The following CLSTN1 variants were observed in gnomAD, a reference collection of about 807,000 sequenced individuals.
CLSTN1 encodes calsyntenin-1.
CLSTN1 carries 28 observed loss-of-function variants against 108.3 expected under a neutral mutation model. That is an observed-to-expected ratio of 0.26 (90% CI 0.19 to 0.35). The LOEUF is 0.35. Ranked by LOEUF, CLSTN1 falls within the 10% of genes least tolerant of loss-of-function variation. The pLI is 1.00. For missense variants in CLSTN1, 1,157 were observed against 1,302.6 expected (o/e 0.89, Z 1.72); for synonymous variants, 524 against 534.9 (o/e 0.98, Z 0.28).
intron 1 of CLSTN1, among the ~76,000 whole-genome samples, chr1:9,811,643 G>C (rs1654759645): frequency 6.6e-6 from 1 of 150,772 alleles, no homozygotes; most frequent in Non-Finnish European, 1.5e-5. Flanking sequence ...TTTTAGCCCA[G>C]AGTGAGAGGG....
chr1:9,731,768 C>T lies in CLSTN1; in HGVS notation c.2556G>A (p.Pro852=), dbSNP rs779078453. ...TCCCTCCCCATGTCCTACCTGCGAA[C>T]GGGTGGGGGTTGGCCAGGTTGTGGC... ...LSGHNLANPH[P]FAVVPSTATV... is the part of the protein sequence containing the mutation. The change falls in exon 17 of 19, where the codon CCG becomes CCA. Residue 852 remains proline, a synonymous_variant. Coordinates refer to ENST00000377298, the MANE Select transcript of CLSTN1 (RefSeq NM_001009566.3). 6 of 1,614,024 alleles carry T rather than the reference C, an allele frequency of 3.7e-6. No individual in the cohort carries two copies. The highest frequency in any genetic ancestry group is 2.7e-5 in the African/African-American group (2 of 74,920).
chr1:9,783,740 A>C (rs949729630), intron 1 of CLSTN1, among the ~76,000 whole-genome samples: 1 of 148,076 alleles, frequency 6.8e-6, no homozygotes, highest in African/African-American at 2.5e-5. Flanking sequence ...CGCCTGTAAT[A>C]CCAGCACTTT....
At chr1:9,731,077 G>A in intron 18 of CLSTN1, 129 bp downstream of exon 18, 3 of 1,114,478 alleles carry the variant, frequency 2.7e-6, no homozygotes, top group Non-Finnish European at 2.7e-6. Context: ...AGACACCTAA[G>A]CCCCAGGCTT....
Position 9,730,768 on chromosome 1 carries a change from T to G in CLSTN1, c.2749-63A>C. 6.9e-7 allele frequency: 1 copy of G among 1,458,152 alleles called. No homozygotes were observed. Among genetic ancestry groups the G allele is most frequent in the East Asian group, 2.5e-5 (1 of 40,420 alleles). The allele number at this position is 1,458,152 out of a possible 1,614,324, so 90.3% of individuals were successfully genotyped here. A position where few individuals can be genotyped will look rare whatever the true frequency, so the allele number is the denominator to read the frequency against. On this transcript the variant is annotated intron_variant, in intron 18 of 18. Coordinates refer to ENST00000377298, the MANE Select transcript of CLSTN1 (RefSeq NM_001009566.3). The surrounding 1 kb of genome is among the most constrained non-coding windows in gnomAD (Gnocchi z 5.6). Reference sequence around the variant, plus strand: ...TGCCCACAGCCCCGTCACCTGGCATTCTCCTCTCGACAGCCACAGAGGAAG... The same window carrying G: ...TGCCCACAGCCCCGTCACCTGGCATGCTCCTCTCGACAGCCACAGAGGAAG...
intron 1 of CLSTN1, among the ~76,000 whole-genome samples, chr1:9,803,316 G>C (rs891455124): frequency 1.3e-5 from 2 of 152,168 alleles, no homozygotes; most frequent in South Asian, 2.1e-4. Flanking sequence ...GGTAATCAAG[G>C]ATAATACCAA....
chr1:9,795,731 G>C (rs553447415), intron 1 of CLSTN1, among the ~76,000 whole-genome samples: 4 of 151,386 alleles, frequency 2.6e-5, no homozygotes, highest in African/African-American at 7.2e-5. Context: ...AATGCAGGAG[G>C]ATCACTTGAG....
At chr1:9,778,430 T>G (rs180984019) in intron 1 of CLSTN1, among the ~76,000 whole-genome samples, 2 of 152,218 alleles carry the variant, frequency 1.3e-5, no homozygotes, top group Non-Finnish European at 1.5e-5. Context: ...ATGGAGAAGA[T>G]AGCTTTGGAG....
At chr1:9,752,918 A>G (rs932615336) in intron 4 of CLSTN1, among the ~76,000 whole-genome samples, 14 of 152,172 alleles carry the variant, frequency 9.2e-5, no homozygotes, top group African/African-American at 3.4e-4. Context: ...CAGACTCAAC[A>G]AAATTAAATT....
chr1:9,790,680 C>T lies in CLSTN1; in HGVS notation c.92-17286G>A, dbSNP rs540305481. 3.8e-4 allele frequency among the ~76,000 whole-genome samples: 58 copies of T among 151,412 alleles called. 1 individual carries two copies. Among genetic ancestry groups the T allele is most frequent in the Middle Eastern group, 3.4e-3 (1 of 294 alleles). The stretch of plus-strand genomic sequence containing the variant: ...TCAGCATCAAATATTACGCATATTT[C>T]GGAGCACAGGTCAGGCGCCGTGGAC... On this transcript the variant is annotated intron_variant, in intron 1 of 18. Transcript: ENST00000377298.
At chr1:9,817,348 A>G (rs944758013) in intron 1 of CLSTN1, among the ~76,000 whole-genome samples, 15 of 152,034 alleles carry the variant, frequency 9.9e-5, no homozygotes, top group African/African-American at 3.4e-4. Flanking sequence ...TTTTTTTGAG[A>G]CGGAGTTTTG....
At chr1:9,819,026 C>A (rs143365925) in intron 1 of CLSTN1, among the ~76,000 whole-genome samples, 4,371 of 151,734 alleles carry the variant, frequency 0.029, 85 homozygotes, top group South Asian at 0.057. Context: ...GATCTCCTGA[C>A]CTCGTGATCC....
intron 1 of CLSTN1, among the ~76,000 whole-genome samples, chr1:9,777,946 C>T (rs80145544): frequency 0.013 from 1,970 of 152,190 alleles, 38 homozygotes; most frequent in African/African-American, 0.044. Flanking sequence ...ACCAACCTCG[C>T]TCTGTCCCTC....
intron 1 of CLSTN1, among the ~76,000 whole-genome samples, chr1:9,808,487 G>A (rs780790936): frequency 1.3e-5 from 2 of 152,120 alleles, no homozygotes; most frequent in East Asian, 1.9e-4. Context: ...GTTCCAACTT[G>A]AACTCCAAAC....
In CLSTN1 at chr1:9,730,827, C is replaced by G; in HGVS notation, c.2749-122G>C. The G allele has an allele frequency of 1.1e-6, 1 of 928,444 alleles. No individual in the cohort carries two copies. Among genetic ancestry groups the G allele is most frequent in the South Asian group, 1.5e-5 (1 of 66,618 alleles). The allele number at this position is 928,444 out of a possible 1,614,324, so 57.5% of individuals were successfully genotyped here. A position where few individuals can be genotyped will look rare whatever the true frequency, so the allele number is the denominator to read the frequency against. ...GCCCCAGCGTCTCCCTCCCCAGCGACAGAGCAGCCAGGACGGCACCGGAAG... is the reference window on the plus strand; with the variant it reads ...GCCCCAGCGTCTCCCTCCCCAGCGAGAGAGCAGCCAGGACGGCACCGGAAG... On this transcript the variant is annotated intron_variant, in intron 18 of 18. Coordinates refer to ENST00000377298, the MANE Select transcript of CLSTN1 (RefSeq NM_001009566.3). This position sits in a 1 kb window ranked among gnomAD's most constrained non-coding sequence, Gnocchi z 5.6.
intron 13 of CLSTN1, 81 bp downstream of exon 13, chr1:9,735,386 A>G: frequency 6.4e-7 from 1 of 1,571,284 alleles, no homozygotes; most frequent in South Asian, 1.1e-5. Flanking sequence ...TTCCTTACAG[A>G]AGGGGTTAGG....
intron 2 of CLSTN1, among the ~76,000 whole-genome samples, chr1:9,766,838 C>A (rs1652360049): frequency 6.6e-6 from 1 of 152,204 alleles, no homozygotes; most frequent in Non-Finnish European, 1.5e-5. Flanking sequence ...ACAATCCGGG[C>A]GAGACTGGAT....
At chr1:9,765,778 G>C (rs1016145040) in intron 2 of CLSTN1, among the ~76,000 whole-genome samples, 7 of 152,060 alleles carry the variant, frequency 4.6e-5, no homozygotes, top group African/African-American at 1.7e-4. Flanking sequence ...AGCTACTCAG[G>C]AGGCTGAGGC....
chr1:9,806,675 T>A (rs891807110), intron 1 of CLSTN1, among the ~76,000 whole-genome samples: 3 of 152,008 alleles, frequency 2.0e-5, no homozygotes, highest in Non-Finnish European at 2.9e-5. Context: ...GTCAGGAGAT[T>A]GAGACCATCC....
chr1:9,821,248 T>A (rs1570534414), intron 1 of CLSTN1, among the ~76,000 whole-genome samples: 1 of 152,328 alleles, frequency 6.6e-6, no homozygotes, highest in East Asian at 1.9e-4. Context: ...TTCTCCTGCC[T>A]CAGCCTCCCA....
Sources: gnomAD v4.1 joint callset for allele counts (sites outside exome capture counted in the v4.1 genomes callset) on GRCh38, gnomAD v4.1.1 for gene constraint, Gnocchi (gnomAD v3.1) non-coding constraint, MANE v1.5 for transcripts, NCBI Gene and HGNC (gene_info 2026-07-23, HGNC 2026-07-21) for gene names.